The following WRN variants were observed in gnomAD, a reference collection of about 807,000 sequenced individuals.
The protein encoded by WRN is WRN RecQ like helicase, also known as bifunctional 3'-5' exonuclease/ATP-dependent helicase WRN.
WRN carries 149 observed loss-of-function variants against 180.7 expected under a neutral mutation model. The observed-to-expected ratio is 0.82, with a 90% CI of 0.72 to 0.94. The LOEUF is 0.94. Ranked by LOEUF, WRN falls within the 40% of genes least tolerant of loss-of-function variation. The pLI is 0.00. For missense variants in WRN, 1,661 were observed against 1,700.1 expected, an observed-to-expected ratio of 0.98 and a Z score of 0.40; for synonymous variants, 548 against 568.9, an observed-to-expected ratio of 0.96 and a Z score of 0.52.
At chr8:31,083,118 T>A (rs1017612919) in intron 9 of WRN, among the ~76,000 whole-genome samples, 1 of 152,122 alleles carries the variant, frequency 6.6e-6, no homozygotes, top group South Asian at 2.1e-4. Context: ...CGTTGGACAC[T>A]TGGTTCCTGG....
At chr8:31,044,016 T>G (rs1334812773) in intron 1 of WRN, among the ~76,000 whole-genome samples, 1 of 152,230 alleles carries the variant, frequency 6.6e-6, no homozygotes, top group East Asian at 1.9e-4. Context: ...TCTTTGCATT[T>G]ATATATACAT....
At chr8:31,051,926 A>T (rs1184928784) in intron 1 of WRN, among the ~76,000 whole-genome samples, 1 of 152,228 alleles carries the variant, frequency 6.6e-6, no homozygotes, top group African/African-American at 2.4e-5. Context: ...CAGTGGTTGA[A>T]AAGTCAAAAG....
At chr8:31,106,611 C>T (rs1801107244) in intron 18 of WRN, among the ~76,000 whole-genome samples, 1 of 152,142 alleles carries the variant, frequency 6.6e-6, no homozygotes, top group African/African-American at 2.4e-5. Flanking sequence ...ATAGGATGTT[C>T]TCCCATACTT....
At chr8:31,164,684 G>C (rs1200595873) in intron 33 of WRN, among the ~76,000 whole-genome samples, 1 of 152,116 alleles carries the variant, frequency 6.6e-6, no homozygotes, top group Admixed American at 6.5e-5. Flanking sequence ...GAAGTACCTA[G>C]ACAGTATTTT....
chr8:31,037,675 T>C (rs1811501836), intron 1 of WRN, among the ~76,000 whole-genome samples: 1 of 152,240 alleles, frequency 6.6e-6, no homozygotes, highest in Admixed American at 6.5e-5. Flanking sequence ...TCTTGGCTCT[T>C]TTGTCAAAAA....
At chr8:31,065,212 T>C in intron 5 of WRN, 149 bp downstream of exon 5, 1 of 755,046 alleles carries the variant, frequency 1.3e-6, no homozygotes, top group Non-Finnish European at 2.1e-6. Context: ...GAATGTTCTT[T>C]AATGAAAACC....
intron 18 of WRN, among the ~76,000 whole-genome samples, chr8:31,102,776 A>G (rs923165733): frequency 2.0e-5 from 3 of 152,186 alleles, no homozygotes; most frequent in African/African-American, 4.8e-5. Flanking sequence ...CTTTATACAT[A>G]TTGTACACTT....
intron 18 of WRN, among the ~76,000 whole-genome samples, chr8:31,111,047 A>G (rs746675178): frequency 1.1e-4 from 17 of 152,062 alleles, no homozygotes; most frequent in Non-Finnish European, 2.4e-4. Context: ...CATATTTCCT[A>G]TATATAGTAT....
chr8:31,107,328 G>T (rs575242691), intron 18 of WRN, among the ~76,000 whole-genome samples: 1 of 152,248 alleles, frequency 6.6e-6, no homozygotes, highest in South Asian at 2.1e-4. Context: ...CTAGGCCTTT[G>T]ATTCTAGAAG....
intron 18 of WRN, among the ~76,000 whole-genome samples, chr8:31,105,949 A>G (rs1371037606): frequency 1.3e-5 from 2 of 152,198 alleles, no homozygotes; most frequent in Non-Finnish European, 2.9e-5. Context: ...ACACAGGCAC[A>G]CATCTATATA....
At chr8:31,049,973 G>T (rs1341664938) in intron 1 of WRN, among the ~76,000 whole-genome samples, 1 of 151,752 alleles carries the variant, frequency 6.6e-6, no homozygotes, top group African/African-American at 2.4e-5. Flanking sequence ...ATATAATAAT[G>T]GGAATATAAT....
intron 4 of WRN, 134 bp from the exon 5 acceptor site, chr8:31,064,777 TACTC>T (rs1812627596): frequency 9.4e-7 from 1 of 1,068,088 alleles, no homozygotes; most frequent in Non-Finnish European, 1.4e-6. Context: ...AGTTAAGAAA[TACTC>T]AAGGTCAATG....
intron 24 of WRN, among the ~76,000 whole-genome samples, chr8:31,140,554 C>T (rs943036609): frequency 2.7e-5 from 4 of 150,740 alleles, no homozygotes; most frequent in Non-Finnish European, 4.4e-5. Flanking sequence ...GAAAACATAC[C>T]TCAAAACCAT....
intron 16 of WRN, among the ~76,000 whole-genome samples, chr8:31,095,905 A>C (rs1813946512): frequency 6.6e-6 from 1 of 152,148 alleles, no homozygotes; most frequent in African/African-American, 2.4e-5. Context: ...TTTTCAACCC[A>C]TATGCCTGCT....
At position 31,104,069 on chromosome 8, in the gene WRN, C is replaced by A. The variant is rs975656201; in HGVS notation, c.2088+3114C>A. On this transcript the variant is annotated intron_variant, in intron 18 of 34. Transcript: ENST00000298139. ...CTTTAATGGGTGAATGGTTAAACAA[C>A]CTGAAAATATAAAAGTTTTCATTTC... 2.0e-5 allele frequency among the ~76,000 whole-genome samples: 3 copies of A among 152,172 alleles called. No homozygotes were observed. The East Asian group carries it at 5.8e-4, about 29-fold the overall frequency.
chr8:31,049,237 A>G (rs1171279864), intron 1 of WRN, among the ~76,000 whole-genome samples: 2 of 147,586 alleles, frequency 1.4e-5, no homozygotes, highest in African/African-American at 2.5e-5. Context: ...AAAAAAAAAA[A>G]GAAAGAAAAT....
At chr8:31,127,377 G>A (rs928530510) in intron 23 of WRN, among the ~76,000 whole-genome samples, 2 of 151,982 alleles carry the variant, frequency 1.3e-5, no homozygotes, top group African/African-American at 4.8e-5. Flanking sequence ...AAAATGTGTA[G>A]AACTTTACAC....
At chr8:31,147,635 G>A (rs1040656625) in intron 30 of WRN, among the ~76,000 whole-genome samples, 159 bp downstream of exon 30, 3 of 152,262 alleles carry the variant, frequency 2.0e-5, no homozygotes, top group Middle Eastern at 3.4e-3. Flanking sequence ...CCAAGCTTTA[G>A]TACCGTGTTT....
chr8:31,157,369 A>G lies in WRN; in HGVS notation c.3821A>G (p.Lys1274Arg). The change falls in exon 33 of 35, where the codon AAG becomes AGG. Residue 1274 changes from lysine to arginine, a missense_variant and splice_region_variant. Physicochemically the swap from Lys to Arg is conservative, Grantham distance 26. Coordinates refer to ENST00000298139, the MANE Select transcript of WRN (RefSeq NM_000553.6). Reference sequence around the variant, plus strand: ...GGTTCTTTGCTGATCTTTCTCTAGAAGAGCATAGCTGAGAGCAGGATTCTG... The same window carrying G: ...GGTTCTTTGCTGATCTTTCTCTAGAGGAGCATAGCTGAGAGCAGGATTCTG... The part of the protein sequence containing the change: ...SLFQEKKMPL[K>R]SIAESRILPL... The G allele has an allele frequency of 6.2e-7, 1 of 1,613,886 alleles. No individual in the cohort carries two copies. The highest frequency in any genetic ancestry group is 8.5e-7 in the Non-Finnish European group (1 of 1,180,004).
Sources: gnomAD v4.1 joint callset for allele counts (sites outside exome capture counted in the v4.1 genomes callset) on GRCh38, gnomAD v4.1.1 for gene constraint, MANE v1.5 for transcripts, NCBI Gene and HGNC (gene_info 2026-07-23, HGNC 2026-07-21) for gene names.